The following CPXM2 variants were observed in gnomAD, a reference collection of about 807,000 sequenced individuals.
CPXM2 encodes carboxypeptidase X, M14 family member 2, also known as inactive carboxypeptidase-like protein X2.
CPXM2 carries 66 observed loss-of-function variants against 86.1 expected under a neutral mutation model. The ratio of observed to expected loss-of-function variants is 0.77; its 90% confidence interval spans 0.63 to 0.94. The LOEUF is 0.94. Ranked by LOEUF, CPXM2 falls within the 40% of genes least tolerant of loss-of-function variation. The probability of loss-of-function intolerance (pLI) is 0.00; values close to 1 mark genes in which losing one functional copy is unlikely to be tolerated. For missense variants in CPXM2, 948 were observed against 1,026.3 expected, an observed-to-expected ratio of 0.92 and a Z score of 1.04; for synonymous variants, 388 against 400.2, an observed-to-expected ratio of 0.97 and a Z score of 0.36.
chr10:123,824,427 G>T (rs1848002034), intron 4 of CPXM2, among the ~76,000 whole-genome samples: 1 of 152,144 alleles, frequency 6.6e-6, no homozygotes, highest in African/African-American at 2.4e-5. Flanking sequence ...CTTCAACCTG[G>T]ATTGAAGCTA....
intron 3 of CPXM2, 52 bp downstream of exon 3, chr10:123,862,562 C>T: frequency 6.7e-7 from 1 of 1,502,846 alleles, no homozygotes; most frequent in South Asian, 1.1e-5. Context: ...GCTCAAGGAA[C>T]CAGAGCAATA....
At chr10:123,869,090 T>C (rs1248137300) in intron 2 of CPXM2, among the ~76,000 whole-genome samples, 3 of 152,196 alleles carry the variant, frequency 2.0e-5, no homozygotes, top group Admixed American at 6.5e-5. Context: ...AATTTAAATA[T>C]CTGTAATCAG....
At chr10:123,761,833 C>T in intron 11 of CPXM2, 39 bp downstream of exon 11, 1 of 1,593,380 alleles carries the variant, frequency 6.3e-7, no homozygotes, top group Non-Finnish European at 8.5e-7. Context: ...CAGCGTCCTC[C>T]TGCGCCCGCA....
chr10:123,939,939 A>G (rs1945758784), intron 1 of CPXM2, among the ~76,000 whole-genome samples: 1 of 152,204 alleles, frequency 6.6e-6, no homozygotes, highest in Non-Finnish European at 1.5e-5. Flanking sequence ...CTGTCCACAC[A>G]GGCAGAGCTG....
intron 2 of CPXM2, among the ~76,000 whole-genome samples, chr10:123,918,420 G>A (rs1441869267): frequency 6.6e-6 from 1 of 152,172 alleles, no homozygotes; most frequent in Non-Finnish European, 1.5e-5. Context: ...TCAGAGTACT[G>A]TGAAAAATAA....
intron 13 of CPXM2, chr10:123,752,354 T>C (rs1846097513): frequency 7.1e-6 from 7 of 984,792 alleles, no homozygotes; most frequent in South Asian, 4.7e-5. Flanking sequence ...CAGTGACAAA[T>C]GGTAGGAATG....
intron 4 of CPXM2, among the ~76,000 whole-genome samples, chr10:123,827,003 A>G (rs1031207819): frequency 2.0e-5 from 3 of 152,202 alleles, no homozygotes; most frequent in African/African-American, 7.2e-5. Flanking sequence ...ACTAAATATC[A>G]TAATTAATAA....
chr10:123,787,349 T>G (rs1463543755), intron 6 of CPXM2, among the ~76,000 whole-genome samples: 4 of 151,990 alleles, frequency 2.6e-5, no homozygotes, highest in African/African-American at 9.7e-5. Flanking sequence ...AGCTCAGGAC[T>G]CCTGAGCCCC....
At chr10:123,898,478 T>C (rs1214398299) in intron 2 of CPXM2, among the ~76,000 whole-genome samples, 2 of 151,916 alleles carry the variant, frequency 1.3e-5, no homozygotes, top group South Asian at 2.1e-4. Context: ...AAAATATATA[T>C]ATCTTTTTAA....
chr10:123,889,334 A>G (rs1056971394), intron 1 of CPXM2, among the ~76,000 whole-genome samples: 8 of 152,180 alleles, frequency 5.3e-5, no homozygotes, highest in Non-Finnish European at 1.2e-4. Flanking sequence ...TCGGGGAAGC[A>G]TTACGCAAGC....
chr10:123,896,960 TC>T (rs1945342727), upstream of CPXM2, among the ~76,000 whole-genome samples: 1 of 152,162 alleles, frequency 6.6e-6, no homozygotes. Context: ...TGTAAATTTG[TC>T]CCCTTGTCCT....
At chr10:123,783,685 G>A (rs1846986533) in intron 6 of CPXM2, among the ~76,000 whole-genome samples, 2 of 152,158 alleles carry the variant, frequency 1.3e-5, no homozygotes, top group Admixed American at 1.3e-4. Context: ...AGTCAGACCT[G>A]CCCCTGGAAT....
intron 6 of CPXM2, among the ~76,000 whole-genome samples, chr10:123,783,025 C>T (rs1474413107): frequency 6.6e-6 from 1 of 152,352 alleles, no homozygotes; most frequent in East Asian, 1.9e-4. Flanking sequence ...ACACTCCCAC[C>T]AGCTCCAAGA....
chr10:123,788,577 C>T (rs2134045805), intron 6 of CPXM2, among the ~76,000 whole-genome samples: 1 of 152,296 alleles, frequency 6.6e-6, no homozygotes, highest in South Asian at 2.1e-4. Context: ...TTTAAAAGTG[C>T]CCGCTTTCTG....
chr10:123,803,873 G>A (rs1847519647), intron 4 of CPXM2, among the ~76,000 whole-genome samples: 1 of 152,086 alleles, frequency 6.6e-6, no homozygotes, highest in African/African-American at 2.4e-5. Flanking sequence ...TGTTTGCCAA[G>A]ATGGTCTCGA....
intron 2 of CPXM2, among the ~76,000 whole-genome samples, chr10:123,925,263 A>C (rs1006635014): frequency 1.3e-5 from 2 of 152,162 alleles, no homozygotes; most frequent in Non-Finnish European, 2.9e-5. Flanking sequence ...TATTTTTTTC[A>C]ATTAAAAGAC....
chr10:123,920,533 G>C (rs1486053204), intron 2 of CPXM2, among the ~76,000 whole-genome samples: 1 of 152,184 alleles, frequency 6.6e-6, no homozygotes, highest in African/African-American at 2.4e-5. Flanking sequence ...TAGAGAAAAA[G>C]CTAGGTAGAA....
At chr10:123,802,989 A>G (rs560302763) in intron 4 of CPXM2, among the ~76,000 whole-genome samples, 2 of 151,680 alleles carry the variant, frequency 1.3e-5, no homozygotes, top group African/African-American at 2.4e-5. Context: ...CCCTTTTTCA[A>G]TTAAGTTGTC....
rs768083943 is a variant in CPXM2, at chr10:123,761,934, G to A, written c.1715C>T (p.Thr572Met). The change falls in exon 11 of 14, where the codon ACG (threonine) becomes ATG (methionine). Residue 572 changes from threonine (T) to methionine (M), a missense_variant. By Grantham distance (81) the Thr-to-Met change is moderately conservative. Coordinates refer to ENST00000241305, the MANE Select transcript of CPXM2 (RefSeq NM_198148.3). ...GCCCTCCTCCTTCTGGAAGTCCTCC[G>A]TGTGGCACACCCTCCTCCGGGCGTC... Reference protein sequence around the residue: ...MTDARRRVCHTEDFQKEEGTV... With the variant: ...MTDARRRVCHMEDFQKEEGTV... 67 of 1,613,698 alleles carry A rather than the reference G, an allele frequency of 4.2e-5. No individual in the cohort carries two copies. Among genetic ancestry groups the A allele is most frequent in the Middle Eastern group, 1.6e-4 (1 of 6,082 alleles).
Sources: gnomAD v4.1 joint callset for allele counts (sites outside exome capture counted in the v4.1 genomes callset) on GRCh38, gnomAD v4.1.1 for gene constraint, MANE v1.5 for transcripts, NCBI Gene and HGNC (gene_info 2026-07-23, HGNC 2026-07-21) for gene names.